Variants in GPN3 observed in about 807,000 individuals in gnomAD.
The protein encoded by GPN3 is ATP-binding domain 1 family member C.
GPN3 carries 31 observed loss-of-function variants against 38.7 expected under a neutral mutation model. That is an observed-to-expected ratio of 0.80 (90% confidence interval 0.60 to 1.08). The LOEUF is 1.08. GPN3 is among the 50% of genes least tolerant of loss of function. GPN3 has a pLI of 0.00. For missense variants in GPN3, 301 were observed against 354.4 expected, an observed-to-expected ratio of 0.85 and a Z score of 1.21; for synonymous variants, 116 against 120.2, an observed-to-expected ratio of 0.96 and a Z score of 0.23.
intron 2 of GPN3, chr12:110,461,084 A>G: frequency 6.6e-7 from 1 of 1,508,524 alleles, no homozygotes. Context: ...TCACAAGCAC[A>G]TCTATGGAGT....
At chr12:110,455,394 CT>C (rs1358489200) in intron 6 of GPN3, among the ~76,000 whole-genome samples, 191 bp downstream of exon 6, 1 of 152,082 alleles carries the variant, frequency 6.6e-6, no homozygotes, top group Non-Finnish European at 1.5e-5. Context: ...TCCCAAAGTG[CT>C]AGGATTACAG....
chr12:110,453,063 C>A lies in GPN3; in HGVS notation c.826G>T (p.Glu276Ter). The stretch of plus-strand genomic sequence containing the variant: ...TCATCCTGGCATTCTTGAAAATATT[C>A]GTCAAACATAGAGGAAGACTCATCT... ...REDESSSMFD[E>*]YFQECQDE Residue 276 changes from glutamate (E) to a stop codon, truncating the protein, a stop_gained, in exon 8 of 8, where the codon GAA (glutamate) becomes TAA (stop). Transcript: ENST00000228827. LOFTEE classifies it high-confidence loss of function. 6.8e-7 allele frequency: 1 copy of A among 1,478,508 alleles called. No homozygotes were observed. Among genetic ancestry groups the A allele is most frequent in the South Asian group, 1.1e-5 (1 of 87,488 alleles). 91.6% of individuals were successfully genotyped at this position (1,478,508 alleles called of 1,614,324 possible).
chr12:110,465,173 G>A lies in GPN3; in HGVS notation c.90C>T (p.Leu30=). ...GGTTTACAACTTGGACAGACCGGTT[G>A]AGGGCTTCACAGTGCTGGACCATGG... ...CATMVQHCEA[L]NRSVQVVNLD... The change falls in exon 2 of 8, where the codon CTC becomes CTT. Residue 30 remains leucine, a synonymous_variant. Transcript: ENST00000228827. 6.2e-7 allele frequency: 1 copy of A among 1,611,794 alleles called. No individual in the cohort carries two copies. Among genetic ancestry groups the A allele is most frequent in the Non-Finnish European group, 8.5e-7 (1 of 1,177,828 alleles).
chr12:110,455,588 G>A lies in GPN3; in HGVS notation c.661C>T (p.Leu221=). 3.0e-6 allele frequency: 4 copies of A among 1,338,872 alleles called. No individual in the cohort carries two copies. The highest frequency in any genetic ancestry group is 4.3e-6 in the Non-Finnish European group (4 of 935,024). The allele number at this position is 1,338,872 out of a possible 1,614,324, so 82.9% of individuals were successfully genotyped here. ...FKKLTKAICG[L]IDDYSMVRFL... ...AAATCCAAACTTTAAAAGCTTACCA[G>A]TCCACATATAGCTTTAGTCAGTTTC... Residue 221 remains leucine (L), a splice_region_variant and synonymous_variant, in exon 6 of 8, where the codon CTG becomes TTG. Coordinates refer to ENST00000228827, the MANE Select transcript of GPN3 (RefSeq NM_016301.4).
At chr12:110,461,117 C>A in intron 2 of GPN3, 1 of 1,337,708 alleles carries the variant, frequency 7.5e-7, no homozygotes, top group Non-Finnish European at 1.1e-6. Context: ...GCGTGCCCCT[C>A]AGGCACTCAA....
intron 6 of GPN3, among the ~76,000 whole-genome samples, chr12:110,454,857 T>C (rs2062538778): frequency 6.6e-6 from 1 of 151,410 alleles, no homozygotes; most frequent in Non-Finnish European, 1.5e-5. Context: ...GTCTTGCTGT[T>C]GTTGGACCGG....
intron 2 of GPN3, chr12:110,461,458 G>A (rs1249234178): frequency 1.8e-6 from 1 of 558,962 alleles, no homozygotes; most frequent in East Asian, 3.0e-5. Flanking sequence ...AAATTAGTCA[G>A]GTGTGCTGGC....
intron 2 of GPN3, chr12:110,461,262 G>A (rs530976349): frequency 3.0e-6 from 4 of 1,326,290 alleles, no homozygotes; most frequent in Admixed American, 1.7e-5. Context: ...TCCAGAAAAC[G>A]TAATGAGGAT....
intron 1 of GPN3, among the ~76,000 whole-genome samples, chr12:110,466,277 T>G (rs2062626954): frequency 6.6e-6 from 1 of 152,164 alleles, no homozygotes; most frequent in Non-Finnish European, 1.5e-5. Context: ...TGCATGTTTT[T>G]TTCCCCATAC....
chr12:110,455,398 G>C (rs920090518), intron 6 of GPN3, among the ~76,000 whole-genome samples, 188 bp downstream of exon 6: 2 of 152,066 alleles, frequency 1.3e-5, no homozygotes, highest in African/African-American at 4.8e-5. Context: ...AAAGTGCTAG[G>C]ATTACAGGTG....
In GPN3 at chr12:110,454,355, GA is replaced by G. The variant is rs1446515408; in HGVS notation, c.664-485del. On this transcript the variant is annotated intron_variant, in intron 6 of 7. Coordinates refer to ENST00000228827, the MANE Select transcript of GPN3 (RefSeq NM_016301.4). ...GGCAAACACTTGACCAGGTGTTTAG[GA>G]AAAAAACCCAAAAAACTTCATCTTT... Among the ~76,000 whole-genome samples the G allele has an allele frequency of 2.7e-5, 4 of 149,734 alleles. No homozygotes were observed. In the East Asian group the frequency reaches 5.8e-4, roughly 22 times the overall value.
chr12:110,463,605 A>C (rs12813981), intron 2 of GPN3, among the ~76,000 whole-genome samples: 1 of 49,754 alleles, frequency 2.0e-5, no homozygotes, highest in Non-Finnish European at 3.9e-5. Context: ...CCCTGTCTCT[A>C]CAAAAAAAAA....
At chr12:110,460,947 G>A (rs917371390) in intron 2 of GPN3, 4 of 964,604 alleles carry the variant, frequency 4.1e-6, no homozygotes, top group Non-Finnish European at 6.7e-6. Context: ...CCAGGCGACA[G>A]AGCAAGACTC....
chr12:110,457,975 C>T (rs554986702), intron 3 of GPN3, among the ~76,000 whole-genome samples: 1 of 151,502 alleles, frequency 6.6e-6, no homozygotes, highest in Non-Finnish European at 1.5e-5. Flanking sequence ...TAAAAATACA[C>T]AAAAATTAGC....
chr12:110,462,833 C>T (rs539695562), intron 2 of GPN3, among the ~76,000 whole-genome samples: 10 of 152,244 alleles, frequency 6.6e-5, no homozygotes, highest in South Asian at 6.2e-4. Context: ...CTCGGCTCAC[C>T]GCAAGCTCCG....
upstream of GPN3, chr12:110,468,628 G>T (rs1239681453): frequency 3.3e-6 from 5 of 1,537,090 alleles, no homozygotes; most frequent in Admixed American, 7.8e-5. Context: ...CTCTTGTTTT[G>T]GGGAGCATGT....
chr12:110,461,117 C>G (rs2062585057), intron 2 of GPN3: 2 of 1,337,592 alleles, frequency 1.5e-6, no homozygotes, highest in African/African-American at 2.9e-5. Flanking sequence ...GCGTGCCCCT[C>G]AGGCACTCAA....
chr12:110,457,739 C>A, intron 3 of GPN3, 105 bp from the exon 4 acceptor site: 1 of 780,572 alleles, frequency 1.3e-6, no homozygotes, highest in Non-Finnish European at 2.0e-6. Flanking sequence ...TAAAAGCCAA[C>A]ACATTTTTAA....
At chr12:110,461,268 A>T in intron 2 of GPN3, 1 of 1,323,124 alleles carries the variant, frequency 7.6e-7, no homozygotes, top group Non-Finnish European at 1.1e-6. Flanking sequence ...AAACGTAATG[A>T]GGATGAAGAT....
Sources: allele counts gnomAD v4.1 joint callset (sites outside exome capture counted in the v4.1 genomes callset), GRCh38; gene constraint gnomAD v4.1.1; transcripts MANE v1.5; gene names NCBI Gene and HGNC (gene_info 2026-07-23, HGNC 2026-07-21).